KAT2A: variants seen among roughly 807,000 people sequenced by gnomAD.
The protein encoded by KAT2A is histone acetyltransferase KAT2A.
KAT2A carries 42 observed loss-of-function variants against 95.2 expected under a neutral mutation model. The observed-to-expected ratio is 0.44, with a 90% confidence interval of 0.34 to 0.57. The LOEUF (loss-of-function observed/expected upper bound fraction) is 0.57. Among genes scored for constraint, KAT2A ranks in the 20% least tolerant of loss-of-function variants. KAT2A has a pLI of 0.01. For synonymous variants in KAT2A, 449 were observed against 448.2 expected, an observed-to-expected ratio of 1.00 and a Z score of -0.02; for missense variants, 784 against 1,126.3, an observed-to-expected ratio of 0.70 and a Z score of 4.35.
In KAT2A at chr17:42,119,325, C is replaced by A. The variant is rs1285870263; in HGVS notation, c.993G>T (p.Arg331=). ...CCACTCGGAACTTTTCCAGCAGCTG[C>A]CGGCGGGTAACGGTGAAAATGGACC... ...LLRSIFTVTR[R]QLLEKFRVEK... Residue 331 remains arginine, a synonymous_variant, in exon 6 of 18, where the codon CGG becomes CGT. Coordinates refer to ENST00000225916, the MANE Select transcript of KAT2A (RefSeq NM_021078.3). The surrounding 1 kb of genome is among the most constrained non-coding windows in gnomAD (Gnocchi z 5.3). 2 of 1,614,122 alleles carry A rather than the reference C, an allele frequency of 1.2e-6. No individual in the cohort carries two copies. The highest frequency in any genetic ancestry group is 1.7e-6 in the Non-Finnish European group (2 of 1,179,976).
chr17:42,114,555 T>A lies in KAT2A; in HGVS notation c.2069A>T (p.Tyr690Phe). The A allele has an allele frequency of 1.2e-6, 2 of 1,614,022 alleles. No homozygotes were observed. The highest frequency in any genetic ancestry group is 1.7e-6 in the Non-Finnish European group (2 of 1,179,970). Reference sequence around the variant, plus strand: ...CTCCTTGAAGCAGCTGAGCCCCGGGTAGACCTTGCGGATCTGGGCCTGTTT... The same window carrying A: ...CTCCTTGAAGCAGCTGAGCCCCGGGAAGACCTTGCGGATCTGGGCCTGTTT... Reference protein sequence around the residue: ...ERKQAQIRKVYPGLSCFKEGV... With the variant: ...ERKQAQIRKVFPGLSCFKEGV... The change falls in exon 14 of 18, where the codon TAC (tyrosine) becomes TTC (phenylalanine). Residue 690 changes from tyrosine (Y) to phenylalanine (F), a missense_variant. Tyr to Phe is a conservative substitution (Grantham distance 22). Transcript: ENST00000225916. This position sits in a 1 kb window ranked among gnomAD's most constrained non-coding sequence, Gnocchi z 6.0.
At position 42,117,456 on chromosome 17, in the gene KAT2A, C is replaced by T. The variant is rs781850799; in HGVS notation, c.1569G>A (p.Leu523=). 10 of 1,612,988 alleles carry T rather than the reference C, an allele frequency of 6.2e-6. No individual in the cohort carries two copies. Among genetic ancestry groups the T allele is most frequent in the East Asian group, 4.5e-5 (2 of 44,892 alleles). Residue 523 remains leucine (L), a synonymous_variant, in exon 10 of 18, where the codon CTG becomes CTA. Coordinates refer to ENST00000225916, the MANE Select transcript of KAT2A (RefSeq NM_021078.3). The surrounding 1 kb of genome is among the most constrained non-coding windows in gnomAD (Gnocchi z 8.9). ...GCAGCTGGTGGGAAAAGACATTCTG[C>T]AGCCCCACGAGCCACAGCAACACCC... is the stretch of plus-strand genomic sequence containing the variant. The part of the protein sequence containing the change: ...NRRVLLWLVG[L]QNVFSHQLPR...
In KAT2A at chr17:42,117,515, T is replaced by C. The variant is rs201214372; in HGVS notation, c.1510A>G (p.Ile504Val). The change falls in exon 10 of 18, where the codon ATC becomes GTC. Residue 504 changes from isoleucine (I) to valine (V), a missense_variant. By Grantham distance (29) the Ile-to-Val change is conservative. Coordinates refer to ENST00000225916, the MANE Select transcript of KAT2A (RefSeq NM_021078.3). The surrounding 1 kb of genome is among the most constrained non-coding windows in gnomAD (Gnocchi z 8.9). ...ERRGIIEFHV[I>V]GNSLTPKANR... ...GCCTTGGGCGTCAGTGAGTTGCCGA[T>C]GACATGGAACTCGATGATGCCGCGG... is the stretch of plus-strand genomic sequence containing the variant. 3.3e-4 allele frequency: 534 copies of C among 1,613,504 alleles called. No individual in the cohort carries two copies. Among genetic ancestry groups the C allele is most frequent in the Non-Finnish European group, 4.4e-4 (516 of 1,180,036 alleles).
chr17:42,117,609 G>T lies in KAT2A; in HGVS notation c.1429-13C>A, dbSNP rs553979667. The T allele has an allele frequency of 1.9e-6, 3 of 1,609,098 alleles. No individual in the cohort carries two copies. The highest frequency in any genetic ancestry group is 2.5e-6 in the Non-Finnish European group (3 of 1,177,136). On this transcript the variant is annotated splice_polypyrimidine_tract_variant and intron_variant, in intron 9 of 17. Transcript: ENST00000225916. The surrounding 1 kb of genome is among the most constrained non-coding windows in gnomAD (Gnocchi z 8.9). ...AAAGCAGGCTCGTCTGGGCACAGAA[G>T]AGGGGTGGTGAGCCGGGGTCTCAGG... is the stretch of plus-strand genomic sequence containing the variant.
rs1160254195 is a variant in KAT2A at position 42,114,419 on chromosome 17, G to C, written c.2135-25C>G. 3 of 1,613,890 alleles carry C rather than the reference G, an allele frequency of 1.9e-6. No individual in the cohort carries two copies. The highest frequency in any genetic ancestry group is 1.3e-5 in the African/African-American group (1 of 74,974). On this transcript the variant is annotated intron_variant, in intron 14 of 17. Transcript: ENST00000225916. This position sits in a 1 kb window ranked among gnomAD's most constrained non-coding sequence, Gnocchi z 6.0. ...CCTGCAAAGTGGGAAGTGGGAGAAT[G>C]TCTCTAAGAATGCCAGTCCACACCC...
Position 42,117,967 on chromosome 17 carries a change from T to C in KAT2A, c.1231A>G (p.Met411Val), listed in dbSNP as rs781835492. 2 of 1,608,516 alleles carry C rather than the reference T, an allele frequency of 1.2e-6. No individual in the cohort carries two copies. The highest frequency in any genetic ancestry group is 1.1e-5 in the South Asian group (1 of 90,534). Residue 411 changes from methionine (M) to valine (V), a missense_variant, in exon 8 of 18, where the codon ATG becomes GTG. Met to Val is a conservative substitution (Grantham distance 21). This residue lies in a region of KAT2A where 63 missense variants were observed against 70.1 expected (regional missense o/e 0.90). Coordinates refer to ENST00000225916, the MANE Select transcript of KAT2A (RefSeq NM_021078.3). This position sits in a 1 kb window ranked among gnomAD's most constrained non-coding sequence, Gnocchi z 8.9. ...VPSTPIFSPS[M>V]GGGSNSSLSL... ...AGGGAGCTGTTGCTGCCCCCACCCA[T>C]GCTGGGGCTGAAGATGGGGGTGCTG...
rs1555666906 is a variant in KAT2A, at chr17:42,119,794, G to A, written c.700-76C>T. ...CGCAGGGCCTTCTTAGACAAAGGAA[G>A]ATGCTCCCTGGCCAGGGACAAGGTT... is the stretch of plus-strand genomic sequence containing the variant. On this transcript the variant is annotated intron_variant, in intron 4 of 17. Coordinates refer to ENST00000225916, the MANE Select transcript of KAT2A (RefSeq NM_021078.3). The surrounding 1 kb of genome is among the most constrained non-coding windows in gnomAD (Gnocchi z 5.3). The A allele has an allele frequency of 7.7e-7, 1 of 1,292,734 alleles. No homozygotes were observed. Among genetic ancestry groups the A allele is most frequent in the Non-Finnish European group, 1.1e-6 (1 of 936,218 alleles). 80.1% of individuals were successfully genotyped at this position (1,292,734 alleles called of 1,614,324 possible). A position where few individuals can be genotyped will look rare whatever the true frequency, so the allele number is the denominator to read the frequency against.
rs1555666175 is a variant in KAT2A, at chr17:42,117,363, G to C, written c.1637+25C>G. 6.8e-6 allele frequency: 11 copies of C among 1,610,422 alleles called. No homozygotes were observed. The highest frequency in any genetic ancestry group is 9.3e-6 in the Non-Finnish European group (11 of 1,177,526). On this transcript the variant is annotated intron_variant, in intron 10 of 17. Transcript: ENST00000225916. This position sits in a 1 kb window ranked among gnomAD's most constrained non-coding sequence, Gnocchi z 8.9. ...AAGGGAACTGGGTGTGCTGCCCTGG[G>C]GGAGGGGCTCTCTGGGGGACGCACG...
At position 42,119,939 on chromosome 17, in the gene KAT2A, T is replaced by C. The variant is rs1555666928; in HGVS notation, c.699+91A>G. 1.6e-6 allele frequency: 2 copies of C among 1,248,588 alleles called. No individual in the cohort carries two copies. Among genetic ancestry groups the C allele is most frequent in the African/African-American group, 1.5e-5 (1 of 67,630 alleles). 77.3% of individuals were successfully genotyped at this position (1,248,588 alleles called of 1,614,324 possible). ...CCTTCTCTGAACCTCCCCAGTGTTC[T>C]CAGCTTGAGGAGAATGGAGAACACA... On this transcript the variant is annotated intron_variant, in intron 4 of 17. Coordinates refer to ENST00000225916, the MANE Select transcript of KAT2A (RefSeq NM_021078.3). This position sits in a 1 kb window ranked among gnomAD's most constrained non-coding sequence, Gnocchi z 5.3.
Position 42,115,782 on chromosome 17 carries a change from T to C in KAT2A, c.1816A>G (p.Asn606Asp). Residue 606 changes from asparagine to aspartate, a missense_variant, in exon 12 of 18, where the codon AAC becomes GAC. Asn to Asp is a conservative substitution (Grantham distance 23). This residue lies in a region of KAT2A where 174 missense variants were observed against 324.9 expected (regional missense o/e 0.54). Coordinates refer to ENST00000225916, the MANE Select transcript of KAT2A (RefSeq NM_021078.3). ...GCGTAGGTGAGGAAGTAGAGAATGT[T>C]GTGCTTGATGTGATACTCCTTCAGG... Reference protein sequence around the residue: ...NHLKEYHIKHNILYFLTYADE... With the variant: ...NHLKEYHIKHDILYFLTYADE... The C allele has an allele frequency of 1.2e-6, 2 of 1,613,952 alleles. No homozygotes were observed. The highest frequency in any genetic ancestry group is 1.7e-6 in the Non-Finnish European group (2 of 1,179,868).
intron 2 of KAT2A, 89 bp from the exon 3 acceptor site, chr17:42,120,459 C>G (rs1396408395): frequency 2.1e-6 from 3 of 1,413,650 alleles, no homozygotes; most frequent in African/African-American, 2.9e-5. Flanking sequence ...AAGATACACA[C>G]TCTGTTCCTC....
At position 42,117,123 on chromosome 17, in the gene KAT2A, A is replaced by T. The variant is rs782641216; in HGVS notation, c.1676T>A (p.Val559Asp). 6.2e-7 allele frequency: 1 copy of T among 1,614,038 alleles called. No individual in the cohort carries two copies. The highest frequency in any genetic ancestry group is 8.5e-7 in the Non-Finnish European group (1 of 1,180,034). ...CATGCGGAAGCAGATGCCACCGATG[A>T]CCCGCCCATCCTTGATCAAGGCCAG... is the stretch of plus-strand genomic sequence containing the variant. ...KTLALIKDGR[V>D]IGGICFRMFP... The change falls in exon 11 of 18, where the codon GTC becomes GAC. Residue 559 changes from valine (V) to aspartate (D), a missense_variant. By Grantham distance (152) the Val-to-Asp change is radical (BLOSUM62 -3). Transcript: ENST00000225916. This position sits in a 1 kb window ranked among gnomAD's most constrained non-coding sequence, Gnocchi z 8.9.
chr17:42,113,864 C>G, intron 17 of KAT2A, 22 bp from the exon 18 acceptor site: 1 of 1,555,468 alleles, frequency 6.4e-7, no homozygotes. Context: ...GGAGACGGAG[C>G]ACAGCTTTAA....
In KAT2A at chr17:42,121,327, G is replaced by T. The variant is rs1371657768; in HGVS notation, c.-23C>A. 3 of 1,364,914 alleles carry T rather than the reference G, an allele frequency of 2.2e-6. No homozygotes were observed. In the East Asian group the frequency reaches 9.0e-5, roughly 41 times the overall value. The allele number at this position is 1,364,914 out of a possible 1,614,324, so 84.6% of individuals were successfully genotyped here. ...CATGGCCTCCCCCGCAGCGGAGAGC[G>T]GCGCCGCGCTCCCAGCCCTAGGGCC... On this transcript the variant is annotated 5_prime_UTR_variant, in exon 1 of 18. Transcript: ENST00000225916.
Position 42,121,354 on chromosome 17 carries a change from C to A in KAT2A, c.-50G>T. 7.4e-7 allele frequency: 1 copy of A among 1,349,300 alleles called. No individual in the cohort carries two copies. Among genetic ancestry groups the A allele is most frequent in the Non-Finnish European group, 9.5e-7 (1 of 1,057,104 alleles). The allele number at this position is 1,349,300 out of a possible 1,614,324, so 83.6% of individuals were successfully genotyped here. A position where few individuals can be genotyped will look rare whatever the true frequency, so the allele number is the denominator to read the frequency against. ...CGCCGCGCTCCCAGCCCTAGGGCCGCATGGGCAACCAGCGCTCAGTGCGCA... is the reference window on the plus strand; with the variant it reads ...CGCCGCGCTCCCAGCCCTAGGGCCGAATGGGCAACCAGCGCTCAGTGCGCA... On this transcript the variant is annotated 5_prime_UTR_variant, in exon 1 of 18. An upstream start codon of the reference 5' UTR is lost. Transcript: ENST00000225916.
At position 42,119,854 on chromosome 17, in the gene KAT2A, GA is replaced by G; in HGVS notation, c.700-137del. 1 of 977,884 alleles carries G rather than the reference GA, an allele frequency of 1.0e-6. No homozygotes were observed. The allele number at this position is 977,884 out of a possible 1,614,324, so 60.6% of individuals were successfully genotyped here. ...CTCTCTCTCTCGGGTGCTCTCTATA[GA>G]AAAGCTCTGCCCCCTCCCTACCACC... is the stretch of plus-strand genomic sequence containing the variant. On this transcript the variant is annotated intron_variant, in intron 4 of 17. Transcript: ENST00000225916. This position sits in a 1 kb window ranked among gnomAD's most constrained non-coding sequence, Gnocchi z 5.3.
chr17:42,116,953 G>A (rs1349187209), intron 11 of KAT2A, 82 bp downstream of exon 11: 6 of 1,529,620 alleles, frequency 3.9e-6, no homozygotes, highest in African/African-American at 1.4e-5. Context: ...GCTGCTGCAT[G>A]CCACACATCC....
chr17:42,115,900 G>A (rs2054251516), intron 11 of KAT2A, 67 bp from the exon 12 acceptor site: 12 of 877,138 alleles, frequency 1.4e-5, no homozygotes, highest in Non-Finnish European at 2.2e-5. Context: ...AGGTCTCAGA[G>A]ACCAGAGAAG....
Position 42,114,243 on chromosome 17 carries a change from G to A in KAT2A, c.2211C>T (p.Leu737=), listed in dbSNP as rs1251940105. 2 of 1,599,124 alleles carry A rather than the reference G, an allele frequency of 1.3e-6. No homozygotes were observed. Among genetic ancestry groups the A allele is most frequent in the Non-Finnish European group, 1.7e-6 (2 of 1,171,566 alleles). ...LKDPDQLYTT[L]KNLLAQIKSH... ...CCTTGATTTGGGCCAGCAGGTTTTT[G>A]AGGGTTGTGTAGAGCTGGTCGGGGT... is the stretch of plus-strand genomic sequence containing the variant. The change falls in exon 16 of 18, where the codon CTC becomes CTT. Residue 737 remains leucine (L), a synonymous_variant. Coordinates refer to ENST00000225916, the MANE Select transcript of KAT2A (RefSeq NM_021078.3). This position sits in a 1 kb window ranked among gnomAD's most constrained non-coding sequence, Gnocchi z 6.0.
Sources: allele counts gnomAD v4.1 joint callset, GRCh38; gene constraint gnomAD v4.1.1; regional missense constraint gnomAD v4.1.1; non-coding constraint Gnocchi (gnomAD v3.1); transcripts MANE v1.5; gene names NCBI Gene and HGNC (gene_info 2026-07-23, HGNC 2026-07-21).